The following MROH7 variants were observed in gnomAD, a reference collection of about 807,000 sequenced individuals.
MROH7 encodes maestro heat like repeat family member 7.
In MROH7, 113 loss-of-function variants were observed where a neutral mutation model predicts 129.2. That is an observed-to-expected ratio of 0.87 (90% CI 0.75 to 1.02). The LOEUF (loss-of-function observed/expected upper bound fraction) is 1.02. Ranked by LOEUF, MROH7 falls within the 50% of genes least tolerant of loss-of-function variation. The pLI, the probability that MROH7 is intolerant of heterozygous loss-of-function variation, is 0.00. For synonymous variants in MROH7, 655 were observed against 667.9 expected (o/e 0.98, Z 0.30); for missense variants, 1,601 against 1,671.3 (o/e 0.96, Z 0.73).
intron 8 of MROH7, 22 bp from the exon 9 acceptor site, chr1:54,673,679 A>T: frequency 6.3e-7 from 1 of 1,581,026 alleles, no homozygotes; most frequent in South Asian, 1.1e-5. Context: ...TGTAGTTCTG[A>T]GTCTTGCTTT....
At chr1:54,681,743 G>A (rs1557713099) in intron 13 of MROH7, among the ~76,000 whole-genome samples, 1 of 152,154 alleles carries the variant, frequency 6.6e-6, no homozygotes, top group Non-Finnish European at 1.5e-5. Context: ...TAAGGGATGG[G>A]AACAGAGGCT....
intron 3 of MROH7, chr1:54,663,685 T>TAAA (rs1225623141): frequency 1.6e-3 from 449 of 275,640 alleles, no homozygotes; most frequent in Non-Finnish European, 1.9e-3. Context: ...CCATCAGCTC[T>TAAA]AAAAAAAAAA....
chr1:54,702,702 G>C lies in MROH7; in HGVS notation c.3521G>C (p.Trp1174Ser), dbSNP rs769640448. ...LPKRAYSRKP[W>S]DNQQQTVAKI... ...AAAAGAGCTTATAGCCGGAAGCCCT[G>C]GGACAACCAACAGCAGACAGTGGCC... Residue 1174 changes from tryptophan (W) to serine (S), a missense_variant, in exon 21 of 24, where the codon TGG (tryptophan) becomes TCG (serine). Physicochemically the swap from Trp to Ser is radical, Grantham distance 177 (BLOSUM62 -3). Transcript: ENST00000421030. The C allele has an allele frequency of 6.2e-7, 1 of 1,613,852 alleles. No individual in the cohort carries two copies. The highest frequency in any genetic ancestry group is 2.2e-5 in the East Asian group (1 of 44,860).
intron 21 of MROH7, 35 bp from the exon 22 acceptor site, chr1:54,706,400 G>C (rs1293447437): frequency 6.5e-7 from 1 of 1,532,862 alleles, no homozygotes; most frequent in African/African-American, 1.4e-5. Flanking sequence ...GTTCCTCTGA[G>C]AGGCCAGCAC....
chr1:54,697,848 G>A (rs11806372), intron 17 of MROH7: 40 of 543,752 alleles, frequency 7.4e-5, no homozygotes, highest in African/African-American at 7.1e-4. Flanking sequence ...AGGAGAGGAG[G>A]GAGGGTGGAT....
At position 54,652,844 on chromosome 1, in the gene MROH7, T is replaced by A; in HGVS notation, c.-74-9T>A. 1 of 1,504,218 alleles carries A rather than the reference T, an allele frequency of 6.6e-7. No individual in the cohort carries two copies. The highest frequency in any genetic ancestry group is 1.4e-5 in the African/African-American group (1 of 71,562). 93.2% of individuals were successfully genotyped at this position (1,504,218 alleles called of 1,614,324 possible). A position where few individuals can be genotyped will look rare whatever the true frequency, so the allele number is the denominator to read the frequency against. ...GGCATGGCTGCATTTGTCTTTTCTCTCTCTCAAGACTGCTGCTGGGAATGT... is the reference window on the plus strand; with the variant it reads ...GGCATGGCTGCATTTGTCTTTTCTCACTCTCAAGACTGCTGCTGGGAATGT... On this transcript the variant is annotated splice_polypyrimidine_tract_variant and intron_variant, in intron 2 of 23. Transcript: ENST00000421030.
chr1:54,703,877 C>T lies in MROH7; in HGVS notation c.3564+1132C>T, dbSNP rs1178201048. On this transcript the variant is annotated intron_variant, in intron 21 of 23. Transcript: ENST00000421030. The surrounding 1 kb of genome is among the most constrained non-coding windows in gnomAD (Gnocchi z 4.4). The stretch of plus-strand genomic sequence containing the variant: ...GCTTCAGCACAGGCCTCAGCCAACA[C>T]TGCCACGAGATTCCCAAATTTGGCC... Among the ~76,000 whole-genome samples the T allele has an allele frequency of 6.6e-6, 1 of 152,198 alleles. No homozygotes were observed.
chr1:54,647,024 T>C (rs1237859448), intron 1 of MROH7, among the ~76,000 whole-genome samples: 1 of 152,242 alleles, frequency 6.6e-6, no homozygotes, highest in Non-Finnish European at 1.5e-5. Flanking sequence ...TACCATATAT[T>C]GTTTATCCAT....
intron 16 of MROH7, among the ~76,000 whole-genome samples, chr1:54,694,753 G>A (rs532836496): frequency 5.9e-5 from 9 of 152,244 alleles, no homozygotes; most frequent in East Asian, 3.9e-4. Context: ...CTGAGCCACC[G>A]CGCCTGGCTT....
At chr1:54,663,620 C>G (rs976658189) in intron 3 of MROH7, 3 of 355,610 alleles carry the variant, frequency 8.4e-6, no homozygotes, top group African/African-American at 6.5e-5. Context: ...ATGATCCACC[C>G]TCTTTGGCCT....
rs1355916987 is a variant in MROH7 at position 54,704,431 on chromosome 1, T to G, written c.3564+1686T>G. ...TTCATGAGAAAAGCTAGAAACCTAT[T>G]TTTTTTTTTTTTTTTTTTTTGAGAC... On this transcript the variant is annotated intron_variant, in intron 21 of 23. Coordinates refer to ENST00000421030, the MANE Select transcript of MROH7 (RefSeq NM_001039464.4). Among the ~76,000 whole-genome samples the G allele has an allele frequency of 1.8e-4, 5 of 27,194 alleles. No individual in the cohort carries two copies. The East Asian group carries it at 0.015, about 82-fold the overall frequency. The allele number at this position is 27,194 out of a possible 152,430, so 17.8% of individuals were successfully genotyped here. A position where few individuals can be genotyped will look rare whatever the true frequency, so the allele number is the denominator to read the frequency against.
intron 7 of MROH7, among the ~76,000 whole-genome samples, chr1:54,672,584 A>T (rs1644918676): frequency 1.3e-5 from 2 of 152,172 alleles, no homozygotes; most frequent in African/African-American, 2.4e-5. Flanking sequence ...GAAGCAATTC[A>T]AAAAAGAATC....
intron 3 of MROH7, among the ~76,000 whole-genome samples, chr1:54,658,647 A>G (rs1328356729): frequency 6.7e-6 from 1 of 150,242 alleles, no homozygotes. Context: ...TGTGGTAGCT[A>G]CCACTCAGAT....
At chr1:54,691,825 T>C (rs1370936707) in intron 15 of MROH7, among the ~76,000 whole-genome samples, 3 of 148,958 alleles carry the variant, frequency 2.0e-5, no homozygotes, top group Non-Finnish European at 4.4e-5. Context: ...TGTGTGTGTG[T>C]GTGTGTGTGT....
intron 17 of MROH7, among the ~76,000 whole-genome samples, chr1:54,696,797 G>T (rs1160327279): frequency 6.8e-6 from 1 of 148,090 alleles, no homozygotes; most frequent in Non-Finnish European, 1.5e-5. Flanking sequence ...TCAGCCTCCC[G>T]AGTAGCTGGG....
intron 21 of MROH7, 140 bp from the exon 22 acceptor site, chr1:54,706,295 C>T (rs2101242400): frequency 1.5e-6 from 1 of 665,000 alleles, no homozygotes; most frequent in Non-Finnish European, 2.7e-6. Flanking sequence ...TAAGCCCTGG[C>T]CTGTGGGGGA....
At chr1:54,706,560 A>G (rs1312823867) in intron 22 of MROH7, 23 bp downstream of exon 22, 2 of 1,550,032 alleles carry the variant, frequency 1.3e-6, no homozygotes, top group South Asian at 1.1e-5. Context: ...GGCATAAGTC[A>G]TCCTGCTGCC....
chr1:54,704,895 G>A (rs574642479), intron 21 of MROH7, among the ~76,000 whole-genome samples: 1 of 137,220 alleles, frequency 7.3e-6, no homozygotes, highest in East Asian at 2.4e-4. Flanking sequence ...CGCCTCCCAG[G>A]TTCAAGTGAT....
At chr1:54,646,334 G>C (rs1463277674) in intron 1 of MROH7, among the ~76,000 whole-genome samples, 2 of 59,484 alleles carry the variant, frequency 3.4e-5, no homozygotes, top group Non-Finnish European at 6.1e-5. Context: ...CCTCTTTCCG[G>C]GTCTTTTTGG....
Sources: allele counts gnomAD v4.1 joint callset (sites outside exome capture counted in the v4.1 genomes callset), GRCh38; gene constraint gnomAD v4.1.1; non-coding constraint Gnocchi (gnomAD v3.1); transcripts MANE v1.5; gene names NCBI Gene and HGNC (gene_info 2026-07-23, HGNC 2026-07-21).